The following DYSF variants were observed in gnomAD, a reference collection of about 807,000 sequenced individuals.
DYSF encodes the protein dysferlin.
DYSF carries 212 observed loss-of-function variants against 274.9 expected under a neutral mutation model. The ratio of observed to expected loss-of-function variants is 0.77; its 90% confidence interval spans 0.69 to 0.86. DYSF has a LOEUF of 0.86. Among genes scored for constraint, DYSF ranks in the 40% least tolerant of loss-of-function variants. The pLI is 0.00. For synonymous variants in DYSF, 1,091 were observed against 1,078.7 expected (o/e 1.01, Z -0.22); for missense variants, 2,666 against 2,783.2 (o/e 0.96, Z 0.95).
intron 3 of DYSF, among the ~76,000 whole-genome samples, chr2:71,493,083 C>G (rs1461303825): frequency 1.3e-5 from 2 of 151,920 alleles, no homozygotes; most frequent in Non-Finnish European, 2.9e-5. Flanking sequence ...GAGACAGGGT[C>G]TCACTATGTT....
intron 3 of DYSF, among the ~76,000 whole-genome samples, chr2:71,502,083 G>GTGTGTA (rs1553517696): frequency 3.2e-5 from 1 of 31,682 alleles, no homozygotes; most frequent in African/African-American, 8.1e-5. Flanking sequence ...ATGACTCTGT[G>GTGTGTA]TGTGTGTGTG....
At chr2:71,564,852 AGGT>A (rs1559169760) in intron 24 of DYSF, among the ~76,000 whole-genome samples, 3 of 152,054 alleles carry the variant, frequency 2.0e-5, no homozygotes. Context: ...GGTGACAGGG[AGGT>A]GAGTGGGTGC....
chr2:71,553,330 C>T (rs2091096614), intron 20 of DYSF, 142 bp downstream of exon 20: 1 of 1,220,104 alleles, frequency 8.2e-7, no homozygotes, highest in Non-Finnish European at 1.2e-6. Context: ...TTCCAGCTGT[C>T]CCCTTGCTCT....
chr2:71,503,342 C>A (rs1285695004), intron 4 of DYSF, 23 bp downstream of exon 4: 1 of 1,612,358 alleles, frequency 6.2e-7, no homozygotes. Flanking sequence ...CAGCCTCTGC[C>A]AGGTTAAGGT....
Position 71,561,739 on chromosome 2 carries a change from C to T in DYSF, c.2217-13C>T, listed in dbSNP as rs2091783550. 6.2e-7 allele frequency: 1 copy of T among 1,614,118 alleles called. No individual in the cohort carries two copies. The highest frequency in any genetic ancestry group is 8.5e-7 in the Non-Finnish European group (1 of 1,180,002). On this transcript the variant is annotated splice_polypyrimidine_tract_variant and intron_variant, in intron 22 of 55. Coordinates refer to ENST00000410020, the MANE Select transcript of DYSF (RefSeq NM_001130987.2). ...GGCTCATCAGGCGCATTCCATCTGT[C>T]CGTCCCTCACAGCCAGCCTCTGGGT...
intron 41 of DYSF, among the ~76,000 whole-genome samples, chr2:71,641,281 C>A (rs1272313506): frequency 6.7e-6 from 1 of 149,796 alleles, no homozygotes; most frequent in Non-Finnish European, 1.5e-5. Context: ...CAGGTTCACG[C>A]CATTCTCCTG....
At chr2:71,584,169 AGTGTGT>A (rs35577501) in intron 30 of DYSF, among the ~76,000 whole-genome samples, 1 of 139,078 alleles carries the variant, frequency 7.2e-6, no homozygotes. Flanking sequence ...GCTGGGCAAG[AGTGTGT>A]GTGTGTGTGT....
chr2:71,600,899 A>C, intron 34 of DYSF, 57 bp downstream of exon 34: 1 of 1,599,668 alleles, frequency 6.3e-7, no homozygotes, highest in Non-Finnish European at 8.5e-7. Context: ...GGTGGGGGCC[A>C]ACCCTCTGTG....
chr2:71,579,252 G>A (rs547337117), intron 30 of DYSF, among the ~76,000 whole-genome samples: 3 of 152,258 alleles, frequency 2.0e-5, no homozygotes, highest in South Asian at 2.1e-4. Context: ...CTCCATGATC[G>A]AGGATTTTTC....
At chr2:71,577,562 A>G (rs2092750354) in intron 30 of DYSF, among the ~76,000 whole-genome samples, 1 of 150,876 alleles carries the variant, frequency 6.6e-6, no homozygotes, top group Non-Finnish European at 1.5e-5. Flanking sequence ...AATCACACAC[A>G]TACCCTCACA....
In DYSF at chr2:71,551,071, T is replaced by C. The variant is rs376165381; in HGVS notation, c.1607T>C (p.Phe536Ser). 2 of 1,614,022 alleles carry C rather than the reference T, an allele frequency of 1.2e-6. No homozygotes were observed. The highest frequency in any genetic ancestry group is 1.3e-5 in the African/African-American group (1 of 74,922). ...GACTACCTGGGCTTCCTCCCCACTT[T>C]TGGGCCCTGCTACATCAACCTCTAT... is the stretch of plus-strand genomic sequence containing the variant. ...VDDYLGFLPTFGPCYINLYGS... is the reference protein window; with the variant it reads ...VDDYLGFLPTSGPCYINLYGS... Residue 536 changes from phenylalanine (F) to serine (S), a missense_variant, in exon 18 of 56, where the codon TTT (phenylalanine) becomes TCT (serine). Phe to Ser is a radical substitution (Grantham distance 155). Coordinates refer to ENST00000410020, the MANE Select transcript of DYSF (RefSeq NM_001130987.2).
chr2:71,517,762 C>T (rs2086812464), intron 10 of DYSF, among the ~76,000 whole-genome samples: 1 of 152,096 alleles, frequency 6.6e-6, no homozygotes, highest in East Asian at 1.9e-4. Flanking sequence ...TATACTAAAG[C>T]TGACAAAAGG....
chr2:71,643,411 G>T (rs1161013468), intron 41 of DYSF, among the ~76,000 whole-genome samples: 1 of 152,188 alleles, frequency 6.6e-6, no homozygotes, highest in African/African-American at 2.4e-5. Context: ...TTGATTTTCA[G>T]GGACTCTGCC....
exon 1 of DYSF, chr2:71,453,758 G>A: frequency 3.5e-6 from 2 of 573,940 alleles, no homozygotes; most frequent in Non-Finnish European, 6.3e-6. Context: ...TTCTCGGAAC[G>A]CCGGCTGACA....
At chr2:71,458,310 A>C (rs1380294630) in intron 1 of DYSF, among the ~76,000 whole-genome samples, 1 of 152,250 alleles carries the variant, frequency 6.6e-6, no homozygotes, top group African/African-American at 2.4e-5. Flanking sequence ...TATATTGTAC[A>C]TGTACTAAGA....
At chr2:71,471,087 C>T (rs907596801) in intron 1 of DYSF, among the ~76,000 whole-genome samples, 22 of 152,152 alleles carry the variant, frequency 1.4e-4, no homozygotes, top group Non-Finnish European at 2.8e-4. Context: ...TCAGCCACCC[C>T]GCCTAGCCTG....
intron 15 of DYSF, 36 bp downstream of exon 15, chr2:71,535,125 C>T (rs2089181682): frequency 6.2e-7 from 1 of 1,613,234 alleles, no homozygotes; most frequent in Admixed American, 1.7e-5. Context: ...CAAGGAGGCC[C>T]CTGGGGCTCT....
rs112001404 is a variant in DYSF at position 71,577,524 on chromosome 2, C to A, written c.3402+3153C>A. On this transcript the variant is annotated intron_variant, in intron 30 of 55. Transcript: ENST00000410020. ...ACACACAGCCCCACTCTCATGCAGC[C>A]CCCCCACTCTCACACTAACACGTAC... 5.6e-3 allele frequency among the ~76,000 whole-genome samples: 380 copies of A among 68,302 alleles called. 3 individuals carry two copies. Among genetic ancestry groups the A allele is most frequent in the African/African-American group, 0.019 (354 of 18,792 alleles). The allele number at this position is 68,302 out of a possible 152,430, so 44.8% of individuals were successfully genotyped here.
At chr2:71,515,888 A>G (rs2152734844) in intron 8 of DYSF, 137 bp downstream of exon 8, 1 of 1,326,702 alleles carries the variant, frequency 7.5e-7, no homozygotes, top group Non-Finnish European at 1.0e-6. Flanking sequence ...CTGGCTCCCA[A>G]GGAGGTTATC....
Sources: gnomAD v4.1 joint callset for allele counts (sites outside exome capture counted in the v4.1 genomes callset) on GRCh38, gnomAD v4.1.1 for gene constraint, MANE v1.5 for transcripts, NCBI Gene and HGNC (gene_info 2026-07-23, HGNC 2026-07-21) for gene names.